Variants in VAV3 observed in about 807,000 individuals in gnomAD.
The protein encoded by VAV3 is vav guanine nucleotide exchange factor 3, also known as guanine nucleotide exchange factor VAV3.
VAV3 carries 94 observed loss-of-function variants against 131.2 expected under a neutral mutation model. The observed-to-expected ratio is 0.72, with a 90% CI of 0.61 to 0.85. The LOEUF is 0.85. Ranked by LOEUF, VAV3 falls within the 40% of genes least tolerant of loss-of-function variation. VAV3 has a pLI of 0.00. For synonymous variants in VAV3, 349 were observed against 342.0 expected (o/e 1.02, Z -0.22); for missense variants, 939 against 1,002.7 (o/e 0.94, Z 0.86).
chr1:107,583,363 C>T (rs964137615), intron 25 of VAV3, among the ~76,000 whole-genome samples: 1 of 152,136 alleles, frequency 6.6e-6, no homozygotes, highest in Non-Finnish European at 1.5e-5. Context: ...CAAGGATGCC[C>T]TCTCTCACCA....
intron 2 of VAV3, among the ~76,000 whole-genome samples, chr1:107,829,676 A>G (rs529100029): frequency 2.6e-5 from 4 of 152,350 alleles, no homozygotes; most frequent in East Asian, 3.9e-4. Context: ...ACTTTAGCCT[A>G]AGACATCCAC....
chr1:107,709,292 C>T (rs753578093), intron 15 of VAV3, among the ~76,000 whole-genome samples: 44 of 152,050 alleles, frequency 2.9e-4, no homozygotes, highest in Non-Finnish European at 6.0e-4. Flanking sequence ...AAAATTAATG[C>T]TAGATATTCA....
intron 2 of VAV3, among the ~76,000 whole-genome samples, chr1:107,789,412 T>A (rs1261324378): frequency 6.6e-6 from 1 of 152,202 alleles, no homozygotes; most frequent in African/African-American, 2.4e-5. Context: ...ATGCTCCATC[T>A]TTTGTCCCAG....
chr1:107,664,828 T>A (rs1003671970), intron 19 of VAV3, among the ~76,000 whole-genome samples: 3 of 152,130 alleles, frequency 2.0e-5, no homozygotes, highest in Non-Finnish European at 4.4e-5. Flanking sequence ...GATGGATGAA[T>A]GATAGATAAA....
chr1:107,919,787 A>G (rs1302675106), intron 1 of VAV3, among the ~76,000 whole-genome samples: 1 of 152,188 alleles, frequency 6.6e-6, no homozygotes, highest in Non-Finnish European at 1.5e-5. Flanking sequence ...ATCTTATGAA[A>G]TCACCATAAA....
intron 22 of VAV3, among the ~76,000 whole-genome samples, chr1:107,607,478 T>C (rs1652373721): frequency 6.6e-6 from 1 of 152,184 alleles, no homozygotes; most frequent in Admixed American, 6.5e-5. Flanking sequence ...CAGAGCCCTC[T>C]GTTTTCACTA....
intron 19 of VAV3, chr1:107,669,433 G>C: frequency 1.6e-6 from 2 of 1,289,608 alleles, no homozygotes; most frequent in South Asian, 2.5e-5. Flanking sequence ...TCTAGTAGCA[G>C]GGGCCATGGA....
chr1:107,846,430 G>C (rs1375084248), intron 2 of VAV3, among the ~76,000 whole-genome samples: 1 of 152,174 alleles, frequency 6.6e-6, no homozygotes, highest in African/African-American at 2.4e-5. Flanking sequence ...AACCTTAAAT[G>C]CAAATGGACT....
chr1:107,691,333 T>TGTAGCCTAAGGCTACCAAAAG (rs1553188653), intron 17 of VAV3, among the ~76,000 whole-genome samples: 1 of 152,212 alleles, frequency 6.6e-6, no homozygotes, highest in Non-Finnish European at 1.5e-5. Context: ...CTCTAAGTTT[T>TGTAGCCTAAGGCTACCAAAAG]GAAGCCTGCA....
At chr1:107,751,559 G>A (rs760133241) in intron 12 of VAV3, among the ~76,000 whole-genome samples, 2 of 152,162 alleles carry the variant, frequency 1.3e-5, no homozygotes, top group East Asian at 1.9e-4. Flanking sequence ...ACAGGTGTAC[G>A]GCAAAATGAT....
chr1:107,935,910 C>A (rs931398449), intron 1 of VAV3, among the ~76,000 whole-genome samples: 3 of 152,072 alleles, frequency 2.0e-5, no homozygotes, highest in Non-Finnish European at 2.9e-5. Flanking sequence ...TGAACTACAC[C>A]GATGACAGAG....
intron 2 of VAV3, among the ~76,000 whole-genome samples, chr1:107,805,962 G>A (rs1015172934): frequency 6.6e-6 from 1 of 152,114 alleles, no homozygotes; most frequent in African/African-American, 2.4e-5. Context: ...CTAGCAGTGT[G>A]GGGAGGCTGG....
In VAV3 at chr1:107,572,293, G is replaced by T. The variant is rs1204427813; in HGVS notation, c.*1038C>A. 2.0e-5 allele frequency: 3 copies of T among 152,170 alleles called. No individual in the cohort carries two copies. The highest frequency in any genetic ancestry group is 2.9e-5 in the Non-Finnish European group (2 of 68,054). The allele number at this position is 152,170 out of a possible 1,614,324, so 9.4% of individuals were successfully genotyped here. On this transcript the variant is annotated 3_prime_UTR_variant, in exon 27 of 27. Transcript: ENST00000370056. ...CTTTCTGTCCCAGAAATGAATAAAG[G>T]ACCCAGTTGTGCTTTCCTTCCAAAA...
chr1:107,785,914 C>G (rs1665954252), intron 2 of VAV3, among the ~76,000 whole-genome samples: 1 of 152,222 alleles, frequency 6.6e-6, no homozygotes, highest in Non-Finnish European at 1.5e-5. Context: ...AACTCATTAT[C>G]ATAATTTTCT....
chr1:107,741,616 G>C (rs759439947), intron 15 of VAV3, among the ~76,000 whole-genome samples: 6 of 152,144 alleles, frequency 3.9e-5, no homozygotes, highest in Non-Finnish European at 8.8e-5. Context: ...CCTTTCTCCT[G>C]GGTCTGACAG....
chr1:107,655,574 T>C (rs1656484064), intron 19 of VAV3, among the ~76,000 whole-genome samples: 1 of 152,122 alleles, frequency 6.6e-6, no homozygotes, highest in Admixed American at 6.6e-5. Flanking sequence ...AAAGGTTTTT[T>C]GTGTAAGACC....
chr1:107,670,040 T>A (rs1206482700), intron 19 of VAV3, among the ~76,000 whole-genome samples: 1 of 152,230 alleles, frequency 6.6e-6, no homozygotes, highest in Non-Finnish European at 1.5e-5. Context: ...ATACATTATA[T>A]CATTTGTGCC....
In VAV3 at chr1:107,750,966, A is replaced by T. The variant is rs1216001637; in HGVS notation, c.1259+151T>A. 5 of 725,772 alleles carry T rather than the reference A, an allele frequency of 6.9e-6. No individual in the cohort carries two copies. The Admixed American group carries it at 1.5e-4, about 22-fold the overall frequency. The allele number at this position is 725,772 out of a possible 1,614,324, so 45.0% of individuals were successfully genotyped here. A position where few individuals can be genotyped will look rare whatever the true frequency, so the allele number is the denominator to read the frequency against. On this transcript the variant is annotated intron_variant, in intron 13 of 26. Coordinates refer to ENST00000370056, the MANE Select transcript of VAV3 (RefSeq NM_006113.5). ...GGTGGGAATACCTAAGATAATCTAG[A>T]TTTAAAAAATTTAGAAATCATGGGT...
chr1:107,664,567 G>C (rs764371805), intron 19 of VAV3, among the ~76,000 whole-genome samples: 2 of 152,098 alleles, frequency 1.3e-5, no homozygotes, highest in African/African-American at 4.8e-5. Flanking sequence ...ATAAAGTTGC[G>C]CTTCCAATTC....
Sources: allele counts gnomAD v4.1 joint callset (sites outside exome capture counted in the v4.1 genomes callset), GRCh38; gene constraint gnomAD v4.1.1; transcripts MANE v1.5; gene names NCBI Gene and HGNC (gene_info 2026-07-23, HGNC 2026-07-21).